Variants in SEMA6D observed in about 807,000 individuals in gnomAD.
SEMA6D encodes the protein semaphorin-6D.
Under a neutral mutation model 106.6 loss-of-function variants are expected in SEMA6D, and 35 were observed. The observed-to-expected ratio is 0.33, with a 90% CI of 0.25 to 0.44. SEMA6D has a LOEUF of 0.44. Ranked by LOEUF, SEMA6D falls within the 20% of genes least tolerant of loss-of-function variation. The pLI is 1.00. For missense variants in SEMA6D, 1,185 were observed against 1,345.9 expected (o/e 0.88, Z 1.87); for synonymous variants, 499 against 487.7 (o/e 1.02, Z -0.31).
chr15:47,454,130 C>T (rs565290824), intron 2 of SEMA6D, among the ~76,000 whole-genome samples: 1 of 151,818 alleles, frequency 6.6e-6, no homozygotes, highest in African/African-American at 2.4e-5. Context: ...TTCTGGAGAG[C>T]CTGGTGGATA....
chr15:47,611,757 G>A (rs2076910590), intron 4 of SEMA6D, among the ~76,000 whole-genome samples: 2 of 152,142 alleles, frequency 1.3e-5, no homozygotes, highest in South Asian at 4.1e-4. Flanking sequence ...TTGCAAGGAA[G>A]GAAAGCTTAT....
At chr15:47,735,890 A>G (rs1171687114) in intron 1 of SEMA6D, among the ~76,000 whole-genome samples, 1 of 152,170 alleles carries the variant, frequency 6.6e-6, no homozygotes, top group Non-Finnish European at 1.5e-5. Context: ...TAACTATTAA[A>G]CAATTTTTAC....
chr15:47,437,377 A>G (rs2041751288), intron 2 of SEMA6D, among the ~76,000 whole-genome samples: 1 of 152,154 alleles, frequency 6.6e-6, no homozygotes, highest in Admixed American at 6.5e-5. Context: ...AATAAAGTTT[A>G]CTGTTAAATG....
At chr15:47,589,781 G>A (rs530951804) in intron 3 of SEMA6D, among the ~76,000 whole-genome samples, 5 of 152,256 alleles carry the variant, frequency 3.3e-5, no homozygotes, top group Non-Finnish European at 7.3e-5. Context: ...TACAAGAGCA[G>A]CATCAGTAGA....
rs972150075 is a variant in SEMA6D at position 47,765,007 on chromosome 15, T to G, written c.1378T>G (p.Leu460Val). ...KVLAKTSPFSLNDSVLLEEIE... is the reference protein window; with the variant it reads ...KVLAKTSPFSVNDSVLLEEIE... ...TCTGGCAAAGACCAGTCCTTTCTCT[T>G]TGAACGACAGCGTATTACTGGAAGA... The change falls in exon 13 of 19, where the codon TTG (leucine) becomes GTG (valine). Residue 460 changes from leucine (L) to valine (V), a missense_variant. Leu to Val is a conservative substitution (Grantham distance 32). This residue lies in a region of SEMA6D where 750 missense variants were observed against 783.5 expected (regional missense o/e 0.96). Transcript: ENST00000536845. 3 of 1,613,776 alleles carry G rather than the reference T, an allele frequency of 1.9e-6. No homozygotes were observed. The African/African-American group carries it at 4.0e-5, about 22-fold the overall frequency.
intron 3 of SEMA6D, among the ~76,000 whole-genome samples, chr15:47,515,571 T>G (rs1305972359): frequency 2.6e-5 from 4 of 152,200 alleles, no homozygotes; most frequent in African/African-American, 9.6e-5. Flanking sequence ...GCAAGCCTTC[T>G]GAAACAGTAG....
intron 4 of SEMA6D, among the ~76,000 whole-genome samples, chr15:47,638,224 C>G (rs1435754): frequency 0.28 from 42,388 of 151,920 alleles, 7,180 homozygotes; most frequent in East Asian, 0.45. Flanking sequence ...ATGATGCTGT[C>G]CAATTTGTTC....
intron 3 of SEMA6D, among the ~76,000 whole-genome samples, chr15:47,537,112 A>G (rs1485642574): frequency 2.0e-5 from 3 of 152,218 alleles, no homozygotes; most frequent in Non-Finnish European, 4.4e-5. Flanking sequence ...GGTTATGACA[A>G]TCTCTTCCAG....
At chr15:47,709,892 A>G (rs1359111663) in intron 4 of SEMA6D, among the ~76,000 whole-genome samples, 2 of 152,136 alleles carry the variant, frequency 1.3e-5, no homozygotes, top group African/African-American at 4.8e-5. Flanking sequence ...AAAAAAAAAA[A>G]AAGTCAAAAG....
intron 1 of SEMA6D, among the ~76,000 whole-genome samples, chr15:47,743,460 C>A (rs1410789858): frequency 1.3e-5 from 2 of 152,018 alleles, no homozygotes; most frequent in Non-Finnish European, 1.5e-5. Flanking sequence ...TGTGGACTAA[C>A]CACTTTTTTG....
chr15:47,547,699 A>G (rs1399282159), intron 3 of SEMA6D, among the ~76,000 whole-genome samples: 2 of 152,194 alleles, frequency 1.3e-5, no homozygotes, highest in Non-Finnish European at 2.9e-5. Context: ...AAGCTCAAAA[A>G]TGTGCATACA....
intron 1 of SEMA6D, among the ~76,000 whole-genome samples, chr15:47,303,292 G>A (rs1377176197): frequency 6.6e-6 from 1 of 152,158 alleles, no homozygotes; most frequent in Non-Finnish European, 1.5e-5. Context: ...TTTCACTTTC[G>A]AGGTAGGTGT....
chr15:47,362,726 G>A (rs1281651746), intron 1 of SEMA6D, among the ~76,000 whole-genome samples: 1 of 152,168 alleles, frequency 6.6e-6, no homozygotes, highest in Non-Finnish European at 1.5e-5. Context: ...CCCCCACAGT[G>A]GCTGGCCTGA....
chr15:47,772,357 C>CGCGTGTGT lies in SEMA6D; in HGVS notation c.*573_*574insCGTGTGTG, dbSNP rs1555431241. On this transcript the variant is annotated 3_prime_UTR_variant, in exon 19 of 19. Transcript: ENST00000536845. ...CACCAACAAACTTGTTGTGTGTGTG[C>CGCGTGTGT]GTGTGTGTGTGTGTGTGTGTGTGTG... The CGCGTGTGT allele has an allele frequency of 6.0e-4, 85 of 141,638 alleles. No individual in the cohort carries two copies. Among genetic ancestry groups the CGCGTGTGT allele is most frequent in the African/African-American group, 2.3e-3 (85 of 37,124 alleles). 8.8% of individuals were successfully genotyped at this position (141,638 alleles called of 1,614,324 possible).
Position 47,766,548 on chromosome 15 carries a change from C to T in SEMA6D, c.1647-68C>T, listed in dbSNP as rs373806050. The T allele has an allele frequency of 2.1e-4, 300 of 1,447,114 alleles. 2 individuals are homozygous for T. Among genetic ancestry groups the T allele is most frequent in the South Asian group, 6.1e-4 (53 of 86,914 alleles). 89.6% of individuals were successfully genotyped at this position (1,447,114 alleles called of 1,614,324 possible). A position where few individuals can be genotyped will look rare whatever the true frequency, so the allele number is the denominator to read the frequency against. ...TAATCAGTCTGTGTTCTTGGTTCTG[C>T]TCTGGTTGTCACTTGTGTTCCTATG... On this transcript the variant is annotated intron_variant, in intron 15 of 18. Transcript: ENST00000536845.
rs377053648 is a variant in SEMA6D, at chr15:47,252,471, C to T, written c.-239+68053C>T. Among the ~76,000 whole-genome samples the T allele has an allele frequency of 5.3e-5, 8 of 152,212 alleles. No homozygotes were observed. The East Asian group carries it at 9.7e-4, about 18-fold the overall frequency. ...ACTGTTATGAGCTGTACTCCCCCTA[C>T]TATGTAATAAAACATTAGAACTTAC... On this transcript the variant is annotated intron_variant, in intron 1 of 19. Coordinates refer to the SEMA6D transcript ENST00000558014.
chr15:47,210,899 T>C (rs530489232), intron 1 of SEMA6D, among the ~76,000 whole-genome samples: 14 of 152,258 alleles, frequency 9.2e-5, no homozygotes, highest in Non-Finnish European at 1.9e-4. Context: ...TTTTTGCTTT[T>C]AATACAGTGT....
chr15:47,223,963 C>G (rs535611575), intron 1 of SEMA6D, among the ~76,000 whole-genome samples: 3 of 151,608 alleles, frequency 2.0e-5, no homozygotes, highest in Admixed American at 6.6e-5. Context: ...ATTAAAATGC[C>G]AAAGCATTTT....
At chr15:47,557,013 C>T (rs1214719337) in intron 3 of SEMA6D, among the ~76,000 whole-genome samples, 1 of 152,054 alleles carries the variant, frequency 6.6e-6, no homozygotes, top group African/African-American at 2.4e-5. Context: ...AACGACTTCT[C>T]ATGATTAAAA....
Sources: gnomAD v4.1 joint callset for allele counts (sites outside exome capture counted in the v4.1 genomes callset) on GRCh38, gnomAD v4.1.1 for gene constraint, gnomAD v4.1.1 regional missense constraint, MANE v1.5 for transcripts, NCBI Gene and HGNC (gene_info 2026-07-23, HGNC 2026-07-21) for gene names.